TNIK: variants seen among roughly 807,000 people sequenced by gnomAD.
TNIK encodes TRAF2 and NCK interacting kinase.
TNIK carries 49 observed loss-of-function variants against 191.3 expected under a neutral mutation model. The observed-to-expected ratio is 0.26, with a 90% CI of 0.20 to 0.32. The LOEUF (loss-of-function observed/expected upper bound fraction) is 0.32, where lower values mean the gene tolerates loss of function less well. TNIK is among the 10% of genes least tolerant of loss of function. The pLI is 1.00. For synonymous variants in TNIK, 594 were observed against 600.9 expected (o/e 0.99, Z 0.17); for missense variants, 1,155 against 1,702.3 (o/e 0.68, Z 5.66).
At chr3:171,238,608 C>G (rs1480005016) in intron 2 of TNIK, among the ~76,000 whole-genome samples, 1 of 152,062 alleles carries the variant, frequency 6.6e-6, no homozygotes, top group Non-Finnish European at 1.5e-5. Context: ...CAGGACACCA[C>G]CCTTCCCCAA....
chr3:171,275,777 G>T (rs944241159), intron 2 of TNIK, among the ~76,000 whole-genome samples: 1 of 151,884 alleles, frequency 6.6e-6, no homozygotes, highest in Non-Finnish European at 1.5e-5. Flanking sequence ...GGTGCCTGTA[G>T]TCCCAGCTAC....
intron 4 of TNIK, among the ~76,000 whole-genome samples, chr3:171,202,994 A>G (rs1739600988): frequency 6.6e-6 from 1 of 152,176 alleles, no homozygotes; most frequent in Non-Finnish European, 1.5e-5. Context: ...TAATCAAAAC[A>G]AGTTTTAAAA....
At chr3:171,189,575 C>T (rs577853397) in intron 6 of TNIK, among the ~76,000 whole-genome samples, 1 of 152,298 alleles carries the variant, frequency 6.6e-6, no homozygotes, top group African/African-American at 2.4e-5. Context: ...GTTTGTATCT[C>T]ATTTCTGCCG....
At chr3:171,456,437 A>G (rs1380539165) in intron 1 of TNIK, among the ~76,000 whole-genome samples, 1 of 152,246 alleles carries the variant, frequency 6.6e-6, no homozygotes, top group Non-Finnish European at 1.5e-5. Flanking sequence ...TTATATCCAT[A>G]ATACTACACA....
At chr3:171,216,696 T>G (rs1225976560) in intron 3 of TNIK, among the ~76,000 whole-genome samples, 2 of 152,152 alleles carry the variant, frequency 1.3e-5, no homozygotes, top group African/African-American at 4.8e-5. Context: ...TAAATGAGAA[T>G]TAAACATGTA....
intron 14 of TNIK, 24 bp downstream of exon 14, chr3:171,139,446 G>A: frequency 6.2e-7 from 1 of 1,607,924 alleles, no homozygotes; most frequent in Non-Finnish European, 8.5e-7. Flanking sequence ...GAGCAGGTCA[G>A]CTGGTTCTTG....
intron 2 of TNIK, among the ~76,000 whole-genome samples, chr3:171,332,071 A>G (rs1393970628): frequency 6.6e-6 from 1 of 152,204 alleles, no homozygotes; most frequent in East Asian, 1.9e-4. Flanking sequence ...TTTTTACTGT[A>G]GACTATTTGG....
chr3:171,220,349 A>T (rs1420822429), intron 3 of TNIK, among the ~76,000 whole-genome samples: 2 of 152,170 alleles, frequency 1.3e-5, no homozygotes, highest in South Asian at 4.1e-4. Flanking sequence ...TATGTAGCAA[A>T]CCTGCATGTT....
rs372407621 is a variant in TNIK, at chr3:171,085,182, G to A, written c.2934C>T (p.Asp978=). 2 of 1,611,862 alleles carry A rather than the reference G, an allele frequency of 1.2e-6. No individual in the cohort carries two copies. Among genetic ancestry groups the A allele is most frequent in the African/African-American group, 2.7e-5 (2 of 74,896 alleles). Residue 978 remains aspartate (D), a synonymous_variant, in exon 25 of 33, where the codon GAC becomes GAT. Transcript: ENST00000436636. The part of the protein sequence containing the change: ...STKASFTPFV[D]PRVYQTSPTD... ...TGGGAGACGTCTGGTATACTCTGGGGTCCACAAAGGGGGTGAAGGAGGCTT... is the reference window on the plus strand; with the variant it reads ...TGGGAGACGTCTGGTATACTCTGGGATCCACAAAGGGGGTGAAGGAGGCTT...
chr3:171,401,751 T>G (rs1473669372), intron 1 of TNIK, among the ~76,000 whole-genome samples: 6 of 152,082 alleles, frequency 3.9e-5, no homozygotes, highest in Non-Finnish European at 8.8e-5. Flanking sequence ...ATGTGGGAGT[T>G]TCAGGGGGAT....
At chr3:171,180,558 ATATT>A (rs1201312153) in intron 7 of TNIK, among the ~76,000 whole-genome samples, 2 of 152,204 alleles carry the variant, frequency 1.3e-5, no homozygotes, top group Non-Finnish European at 2.9e-5. Context: ...CCCTTAATAA[ATATT>A]TATTGAATGA....
intron 2 of TNIK, among the ~76,000 whole-genome samples, chr3:171,247,932 G>A (rs1432314306): frequency 1.3e-5 from 2 of 152,178 alleles, no homozygotes; most frequent in Admixed American, 1.3e-4. Context: ...GTAGAAAAAA[G>A]TTGCTTGGTC....
chr3:171,260,900 G>C (rs1368246979), intron 2 of TNIK, among the ~76,000 whole-genome samples: 1 of 152,088 alleles, frequency 6.6e-6, no homozygotes, highest in Non-Finnish European at 1.5e-5. Context: ...ACAAGATAAC[G>C]AGGGTTATTA....
At chr3:171,433,937 C>CTTTTTTTTTTTT (rs67036993) in intron 1 of TNIK, among the ~76,000 whole-genome samples, 2 of 71,116 alleles carry the variant, frequency 2.8e-5, no homozygotes, top group African/African-American at 5.7e-5. Flanking sequence ...TTTCTTTTTC[C>CTTTTTTTTTTTT]TTTTTTTTTT....
intron 4 of TNIK, among the ~76,000 whole-genome samples, chr3:171,195,044 C>T (rs2108847995): frequency 6.6e-6 from 1 of 152,282 alleles, no homozygotes; most frequent in South Asian, 2.1e-4. Context: ...TACAAAAGTG[C>T]ACACTGTTTA....
chr3:171,131,195 G>A (rs1034144054), intron 15 of TNIK, among the ~76,000 whole-genome samples: 14 of 151,004 alleles, frequency 9.3e-5, no homozygotes, highest in East Asian at 1.9e-4. Context: ...AAAATTAGCC[G>A]GGCGTGGTAG....
chr3:171,240,819 GTTTA>G (rs1744872170), intron 2 of TNIK, among the ~76,000 whole-genome samples: 1 of 152,076 alleles, frequency 6.6e-6, no homozygotes, highest in Non-Finnish European at 1.5e-5. Flanking sequence ...AAACTATACA[GTTTA>G]TTTATTTATC....
At chr3:171,144,108 A>G (rs1178144106) in intron 12 of TNIK, among the ~76,000 whole-genome samples, 11 of 152,248 alleles carry the variant, frequency 7.2e-5, no homozygotes, top group African/African-American at 2.7e-4. Context: ...CAACTACTCT[A>G]AAACTGTTGG....
At chr3:171,374,331 C>T (rs1382327119) in intron 1 of TNIK, among the ~76,000 whole-genome samples, 1 of 152,186 alleles carries the variant, frequency 6.6e-6, no homozygotes, top group Non-Finnish European at 1.5e-5. Context: ...TAAACTGTGC[C>T]TCACGTGCAT....
Sources: allele counts gnomAD v4.1 joint callset (sites outside exome capture counted in the v4.1 genomes callset), GRCh38; gene constraint gnomAD v4.1.1; transcripts MANE v1.5; gene names NCBI Gene and HGNC (gene_info 2026-07-23, HGNC 2026-07-21).